Variants in FH observed in about 807,000 individuals in gnomAD.
FH encodes fumarate hydratase, mitochondrial.
In FH, 22 loss-of-function variants were observed where a neutral mutation model predicts 49.4. The observed-to-expected ratio is 0.45, with a 90% CI of 0.32 to 0.64. The LOEUF is 0.64. Among genes scored for constraint, FH ranks in the 30% least tolerant of loss-of-function variants. The pLI is 0.05. For missense variants in FH, 526 were observed against 641.5 expected (o/e 0.82, Z 1.95); for synonymous variants, 208 against 223.0 (o/e 0.93, Z 0.60).
chr1:241,511,181 A>G (rs934288789), intron 4 of FH, among the ~76,000 whole-genome samples: 4 of 152,148 alleles, frequency 2.6e-5, no homozygotes, highest in Admixed American at 2.6e-4. Flanking sequence ...GCTCTCATGA[A>G]CGGAATTAGT....
At chr1:241,505,930 G>A in intron 6 of FH, 73 bp downstream of exon 6, 1 of 1,347,714 alleles carries the variant, frequency 7.4e-7, no homozygotes. Context: ...ATTCAAGACA[G>A]GAACACTCAG....
chr1:241,514,458 T>G (rs749765589), intron 2 of FH, among the ~76,000 whole-genome samples: 76 of 152,160 alleles, frequency 5.0e-4, no homozygotes, highest in Admixed American at 4.6e-4. Flanking sequence ...TAAACTGAAA[T>G]GAAAACCTAG....
intron 7 of FH, 148 bp downstream of exon 7, chr1:241,503,894 G>T: frequency 1.2e-6 from 1 of 840,704 alleles, no homozygotes; most frequent in Non-Finnish European, 2.0e-6. Context: ...CAGCAGTCCT[G>T]ACCAGAGGAC....
intron 4 of FH, 97 bp downstream of exon 4, chr1:241,511,870 A>ATTTT (rs1660092021): frequency 1.7e-6 from 2 of 1,180,946 alleles, no homozygotes; most frequent in Admixed American, 1.7e-5. Flanking sequence ...TAAATAATGA[A>ATTTT]CACTTCTTGT....
At chr1:241,508,911 G>A (rs1660003801) in intron 4 of FH, 126 bp from the exon 5 acceptor site, 3 of 719,210 alleles carry the variant, frequency 4.2e-6, no homozygotes, top group South Asian at 3.6e-5. Flanking sequence ...TCAGTTACAT[G>A]TATGTGTGGC....
Position 241,500,593 on chromosome 1 carries a change from T to TTGAG in FH, c.1237-7_1237-4dup, listed in dbSNP as rs750898743. On this transcript the variant is annotated splice_polypyrimidine_tract_variant and splice_region_variant and intron_variant, in intron 8 of 9. Coordinates refer to ENST00000366560, the MANE Select transcript of FH (RefSeq NM_000143.4). Reference sequence around the variant, plus strand: ...GCTGAGTGTAACACATTTTTAATCTTTGAGTGAGTGAGAGAGAGAGAGAGA... The same window carrying TTGAG: ...GCTGAGTGTAACACATTTTTAATCTTTGAGTGAGTGAGTGAGAGAGAGAGAGAGA... 32 of 1,440,600 alleles carry TTGAG rather than the reference T, an allele frequency of 2.2e-5. No individual in the cohort carries two copies. The East Asian group carries it at 2.4e-4, about 11-fold the overall frequency. The allele number at this position is 1,440,600 out of a possible 1,614,324, so 89.2% of individuals were successfully genotyped here. A position where few individuals can be genotyped will look rare whatever the true frequency, so the allele number is the denominator to read the frequency against.
intron 9 of FH, among the ~76,000 whole-genome samples, chr1:241,499,430 T>A (rs542411914): frequency 1.8e-4 from 27 of 152,312 alleles, no homozygotes; most frequent in African/African-American, 6.0e-4. Flanking sequence ...TTTGTGTTTT[T>A]CCAGATGTAG....
chr1:241,518,435 G>A (rs1660276607), intron 1 of FH, among the ~76,000 whole-genome samples: 1 of 152,102 alleles, frequency 6.6e-6, no homozygotes, highest in South Asian at 2.1e-4. Context: ...AAAATTATTC[G>A]AGCAGGGAGT....
At chr1:241,513,475 A>C in intron 3 of FH, 128 bp downstream of exon 3, 3 of 797,848 alleles carry the variant, frequency 3.8e-6, no homozygotes, top group Admixed American at 1.8e-5. Context: ...AAATAATGCT[A>C]CCACCCTCCC....
At chr1:241,509,602 C>A (rs1395011558) in intron 4 of FH, among the ~76,000 whole-genome samples, 1 of 152,056 alleles carries the variant, frequency 6.6e-6, no homozygotes, top group Non-Finnish European at 1.5e-5. Flanking sequence ...AGAGCAATAC[C>A]CTGTCTCTGA....
intron 1 of FH, among the ~76,000 whole-genome samples, chr1:241,518,532 G>A (rs1175456726): frequency 6.6e-6 from 1 of 152,178 alleles, no homozygotes; most frequent in Non-Finnish European, 1.5e-5. Context: ...GAAGTTTAGA[G>A]TCCAGAAAAA....
intron 3 of FH, among the ~76,000 whole-genome samples, chr1:241,512,670 G>A (rs1006168410): frequency 2.0e-5 from 3 of 152,122 alleles, no homozygotes; most frequent in African/African-American, 4.8e-5. Flanking sequence ...TAAAATATGG[G>A]TGGTTAACAA....
rs1203169637 is a variant in FH at position 241,497,721 on chromosome 1, GC to G, written c.*106del. 137 of 1,010,516 alleles carry G rather than the reference GC, an allele frequency of 1.4e-4. No individual in the cohort carries two copies. The African/African-American group carries it at 2.1e-3, about 15-fold the overall frequency. The allele number at this position is 1,010,516 out of a possible 1,614,324, so 62.6% of individuals were successfully genotyped here. A position where few individuals can be genotyped will look rare whatever the true frequency, so the allele number is the denominator to read the frequency against. ...CTGATCAAATTGCTCTGCTAGAGAT[GC>G]TTAAGTTCAATAGCAGTTTCCTTTC... On this transcript the variant is annotated 3_prime_UTR_variant, in exon 10 of 10. Coordinates refer to ENST00000366560, the MANE Select transcript of FH (RefSeq NM_000143.4).
intron 5 of FH, 27 bp from the exon 6 acceptor site, chr1:241,506,195 G>A: frequency 6.4e-7 from 1 of 1,556,148 alleles, no homozygotes; most frequent in Non-Finnish European, 8.8e-7. Context: ...ATTAAGGTAA[G>A]AATAAGTAAT....
At chr1:241,508,863 A>T in intron 4 of FH, 78 bp from the exon 5 acceptor site, 1 of 1,307,662 alleles carries the variant, frequency 7.6e-7, no homozygotes, top group Non-Finnish European at 1.1e-6. Flanking sequence ...TAAACTTCTC[A>T]ATTAAAAAAC....
chr1:241,499,464 G>C (rs1047033156), intron 9 of FH, among the ~76,000 whole-genome samples: 10 of 152,280 alleles, frequency 6.6e-5, no homozygotes, highest in African/African-American at 2.4e-4. Context: ...ATTTTAAATG[G>C]ATCAAACATT....
At chr1:241,501,061 G>A (rs973746419) in intron 8 of FH, among the ~76,000 whole-genome samples, 18 of 152,104 alleles carry the variant, frequency 1.2e-4, no homozygotes, top group African/African-American at 4.1e-4. Flanking sequence ...TAAAGTCAGG[G>A]CAAAATCTAA....
rs191906371 is a variant in FH at position 241,506,408 on chromosome 1, C to T, written c.739-240G>A. Among the ~76,000 whole-genome samples, 462 of 152,232 alleles carry T rather than the reference C, an allele frequency of 3.0e-3. 6 individuals carry two copies. The highest frequency in any genetic ancestry group is 3.1e-3 in the Non-Finnish European group (212 of 68,014). The stretch of plus-strand genomic sequence containing the variant: ...TAACATGCAGCCTATTTATTATAAT[C>T]TAGTCTTTTAATAGGAAGCAAAGAA... On this transcript the variant is annotated intron_variant, in intron 5 of 9. Coordinates refer to ENST00000366560, the MANE Select transcript of FH (RefSeq NM_000143.4).
chr1:241,517,435 A>G (rs1558402343), intron 1 of FH, 119 bp from the exon 2 acceptor site: 2 of 1,076,332 alleles, frequency 1.9e-6, no homozygotes, highest in Non-Finnish European at 2.7e-6. Flanking sequence ...AGACAAAAAA[A>G]TACTATTTGG....
Sources: gnomAD v4.1 joint callset for allele counts (sites outside exome capture counted in the v4.1 genomes callset) on GRCh38, gnomAD v4.1.1 for gene constraint, MANE v1.5 for transcripts, NCBI Gene and HGNC (gene_info 2026-07-23, HGNC 2026-07-21) for gene names.